Variants in QTMAN observed in about 807,000 individuals in gnomAD.
QTMAN encodes tRNA-queuosine alpha-mannosyltransferase.
At chr2:144,275,954 T>TA in the QTMAN span, among the ~76,000 whole-genome samples, 1 of 152,164 alleles carries the variant, frequency 6.6e-6, no homozygotes, top group Non-Finnish European at 1.5e-5. Context: ...TTTAAAAACT[T>TA]AAATACATAT....
chr2:144,265,022 C>T, the QTMAN span, among the ~76,000 whole-genome samples: 1 of 152,228 alleles, frequency 6.6e-6, no homozygotes, highest in Non-Finnish European at 1.5e-5. Context: ...AGGCAGTGTA[C>T]TGATTTGTCA....
chr2:144,174,323 T>A, the QTMAN span, among the ~76,000 whole-genome samples: 1 of 152,152 alleles, frequency 6.6e-6, no homozygotes, highest in Admixed American at 6.5e-5. Context: ...TAGAAACTAT[T>A]TCAAGGATTT....
chr2:143,987,667 G>T, the QTMAN span, among the ~76,000 whole-genome samples: 1 of 152,140 alleles, frequency 6.6e-6, no homozygotes, highest in African/African-American at 2.4e-5. Context: ...TTCCTACTTT[G>T]CACATCCATT....
the QTMAN span, chr2:144,332,456 CCTT>C: frequency 4.1e-5 from 6 of 147,938 alleles, no homozygotes; most frequent in Non-Finnish European, 6.0e-5. Context: ...TCCTCCTCCT[CCTT>C]GTCTCTCCCT....
At chr2:144,214,678 T>C in the QTMAN span, among the ~76,000 whole-genome samples, 4 of 152,192 alleles carry the variant, frequency 2.6e-5, no homozygotes, top group African/African-American at 9.7e-5. Context: ...TGCTAATCTC[T>C]TCCTCTGATT....
At chr2:143,954,398 TTAGAG>T in the QTMAN span, among the ~76,000 whole-genome samples, 3 of 152,188 alleles carry the variant, frequency 2.0e-5, no homozygotes, top group African/African-American at 4.8e-5. Context: ...TGGATTTGAA[TTAGAG>T]TATTCTGTTC....
the QTMAN span, among the ~76,000 whole-genome samples, chr2:144,069,085 A>T: frequency 1.3e-5 from 2 of 152,106 alleles, no homozygotes; most frequent in African/African-American, 4.8e-5. Context: ...AATCCAAGTG[A>T]CCACCACAGT....
At chr2:144,123,464 T>C in the QTMAN span, among the ~76,000 whole-genome samples, 1 of 152,160 alleles carries the variant, frequency 6.6e-6, no homozygotes, top group Non-Finnish European at 1.5e-5. Context: ...TGAGTATCTA[T>C]TCCTGATATA....
the QTMAN span, among the ~76,000 whole-genome samples, chr2:144,067,429 C>T: frequency 6.6e-6 from 1 of 152,208 alleles, no homozygotes; most frequent in African/African-American, 2.4e-5. Flanking sequence ...TGTGTGCATG[C>T]ACACATACTT....
chr2:144,140,028 A>C, the QTMAN span, among the ~76,000 whole-genome samples: 1 of 152,108 alleles, frequency 6.6e-6, no homozygotes, highest in African/African-American at 2.4e-5. Flanking sequence ...TCAACAAAAT[A>C]ATACAGTTTT....
chr2:144,330,097 G>A, the QTMAN span, among the ~76,000 whole-genome samples: 1 of 152,156 alleles, frequency 6.6e-6, no homozygotes, highest in Non-Finnish European at 1.5e-5. Flanking sequence ...TGGGCGTGCT[G>A]GAATTAGATT....
the QTMAN span, among the ~76,000 whole-genome samples, chr2:144,316,941 GA>G: frequency 6.6e-6 from 1 of 152,094 alleles, no homozygotes; most frequent in Non-Finnish European, 1.5e-5. Flanking sequence ...TCCTCATAAG[GA>G]AATTGGGATA....
the QTMAN span, among the ~76,000 whole-genome samples, chr2:143,976,131 C>G: frequency 1.3e-5 from 2 of 152,246 alleles, 1 homozygote; most frequent in Admixed American, 1.3e-4. Flanking sequence ...GGGTCTGCAT[C>G]TGAAATTACA....
At chr2:144,152,620 T>C in the QTMAN span, among the ~76,000 whole-genome samples, 1 of 152,190 alleles carries the variant, frequency 6.6e-6, no homozygotes, top group Admixed American at 6.5e-5. Context: ...GTTTATTTCT[T>C]TTGGGACTGG....
At chr2:144,098,686 G>A in the QTMAN span, among the ~76,000 whole-genome samples, 1 of 151,170 alleles carries the variant, frequency 6.6e-6, no homozygotes, top group Admixed American at 6.6e-5. Flanking sequence ...CTGCACTCCA[G>A]CCTGGGCAAC....
At chr2:144,272,522 T>TCAC in the QTMAN span, among the ~76,000 whole-genome samples, 1 of 152,108 alleles carries the variant, frequency 6.6e-6, no homozygotes, top group African/African-American at 2.4e-5. Flanking sequence ...ACCAGCACCC[T>TCAC]CACACTCCAC....
chr2:144,217,370 C>T, the QTMAN span, among the ~76,000 whole-genome samples: 1 of 151,858 alleles, frequency 6.6e-6, no homozygotes, highest in Non-Finnish European at 1.5e-5. Flanking sequence ...TTAAAAAAAA[C>T]CCTCCATTTT....
the QTMAN span, among the ~76,000 whole-genome samples, chr2:143,979,274 G>A: frequency 6.6e-6 from 1 of 151,822 alleles, no homozygotes; most frequent in Non-Finnish European, 1.5e-5. Flanking sequence ...TCAACAGAAA[G>A]AAAACAGACT....
At chr2:144,179,824 A>C in the QTMAN span, among the ~76,000 whole-genome samples, 5 of 152,214 alleles carry the variant, frequency 3.3e-5, no homozygotes. Context: ...GGTTTCCTGG[A>C]TAAAACTCCT....
Sources: allele counts gnomAD v4.1 joint callset (sites outside exome capture counted in the v4.1 genomes callset), GRCh38; gene constraint gnomAD v4.1.1; transcripts MANE v1.5; gene names NCBI Gene and HGNC (gene_info 2026-07-23, HGNC 2026-07-21).